TNFSF11: variants seen among roughly 807,000 people sequenced by gnomAD.
The protein encoded by TNFSF11 is tumor necrosis factor ligand superfamily member 11.
Under a neutral mutation model 32.2 loss-of-function variants are expected in TNFSF11, and 12 were observed. That is an observed-to-expected ratio of 0.37 (90% CI 0.24 to 0.60). TNFSF11 has a LOEUF of 0.60. Ranked by LOEUF, TNFSF11 falls within the 20% of genes least tolerant of loss-of-function variation. The probability of loss-of-function intolerance (pLI) is 0.66; values close to 1 mark genes in which losing one functional copy is unlikely to be tolerated. For missense variants in TNFSF11, 345 were observed against 398.0 expected, an observed-to-expected ratio of 0.87 and a Z score of 1.13; for synonymous variants, 172 against 152.1, an observed-to-expected ratio of 1.13 and a Z score of -0.96.
chr13:42,592,624 C>A (rs1193539127), intron 2 of TNFSF11, among the ~76,000 whole-genome samples: 1 of 152,118 alleles, frequency 6.6e-6, no homozygotes, highest in African/African-American at 2.4e-5. Context: ...AATCATTGGC[C>A]ATTGGTGGTT....
intron 2 of TNFSF11, among the ~76,000 whole-genome samples, chr13:42,592,961 G>T (rs1403112655): frequency 3.3e-5 from 5 of 152,174 alleles, no homozygotes; most frequent in South Asian, 2.1e-4. Context: ...ATGCGGAACC[G>T]TAAGCCAATT....
intron 4 of TNFSF11, among the ~76,000 whole-genome samples, chr13:42,603,771 A>G (rs1869302524): frequency 6.6e-6 from 1 of 152,200 alleles, no homozygotes; most frequent in Non-Finnish European, 1.5e-5. Flanking sequence ...CATATTTTAT[A>G]TGCTCATTTT....
upstream of TNFSF11, among the ~76,000 whole-genome samples, chr13:42,570,391 T>G (rs1332803136): frequency 6.6e-6 from 1 of 152,166 alleles, no homozygotes; most frequent in East Asian, 1.9e-4. Context: ...AACCAATCAA[T>G]TTTCACATGA....
At chr13:42,572,592 G>A (rs1317844303), upstream of TNFSF11, among the ~76,000 whole-genome samples, 14 of 152,112 alleles carry the variant, frequency 9.2e-5, 1 homozygote, top group Middle Eastern at 6.3e-3. Flanking sequence ...TAGAATTAAC[G>A]TCAATTGTTT....
chr13:42,574,519 G>T lies in TNFSF11; in HGVS notation c.216G>T (p.Ala72=), dbSNP rs770044058. 9.3e-6 allele frequency: 15 copies of T among 1,607,064 alleles called. No homozygotes were observed. Among genetic ancestry groups the T allele is most frequent in the East Asian group, 2.2e-5 (1 of 44,872 alleles). Residue 72 remains alanine (A), a synonymous_variant, in exon 1 of 5, where the codon GCG becomes GCT. Transcript: ENST00000398795. The part of the protein sequence containing the change: ...CSVALFFYFR[A]QMDPNRISED... ...TCGCCCTGTTCTTCTATTTCAGAGCGCAGGTGAGTGGCCACCTTCCCAGGG... is the reference window on the plus strand; with the variant it reads ...TCGCCCTGTTCTTCTATTTCAGAGCTCAGGTGAGTGGCCACCTTCCCAGGG...
Position 42,591,022 on chromosome 13 carries a change from G to T in TNFSF11, c.387+9729G>T, listed in dbSNP as rs74058710. ...TGGAAGAAATGATCCACCAGTGACTGTATTTGGGGTTTGGGGAGGAGGCCA... is the reference window on the plus strand; with the variant it reads ...TGGAAGAAATGATCCACCAGTGACTTTATTTGGGGTTTGGGGAGGAGGCCA... On this transcript the variant is annotated intron_variant, in intron 2 of 4. Coordinates refer to ENST00000398795, the MANE Select transcript of TNFSF11 (RefSeq NM_003701.4). 5.5e-3 allele frequency among the ~76,000 whole-genome samples: 837 copies of T among 152,274 alleles called. 7 individuals are homozygous for T. The highest frequency in any genetic ancestry group is 0.019 in the African/African-American group (801 of 41,556).
chr13:42,569,601 T>A (rs1488792496), upstream of TNFSF11, among the ~76,000 whole-genome samples: 1 of 150,102 alleles, frequency 6.7e-6, no homozygotes, highest in East Asian at 1.9e-4. Context: ...AGAGAGAGAT[T>A]AGAGTTAGAG....
At chr13:42,602,364 T>C (rs1869220676) in intron 4 of TNFSF11, among the ~76,000 whole-genome samples, 1 of 152,236 alleles carries the variant, frequency 6.6e-6, no homozygotes, top group African/African-American at 2.4e-5. Context: ...TAAATAATTA[T>C]ACATATTCCA....
At chr13:42,574,028 G>A (rs1448722459), upstream of TNFSF11, 3 of 523,782 alleles carry the variant, frequency 5.7e-6, no homozygotes, top group East Asian at 7.0e-5. Context: ...GAGAGAGGGA[G>A]GGCGAAAGGA....
chr13:42,594,217 TAC>T (rs1160210715), intron 2 of TNFSF11, among the ~76,000 whole-genome samples: 1 of 152,118 alleles, frequency 6.6e-6, no homozygotes, highest in African/African-American at 2.4e-5. Context: ...TACCTGGGAT[TAC>T]TGGCAACTGC....
chr13:42,570,120 G>C (rs1182790540), upstream of TNFSF11, among the ~76,000 whole-genome samples: 1 of 152,076 alleles, frequency 6.6e-6, no homozygotes, highest in East Asian at 1.9e-4. Context: ...AATGTAAAAG[G>C]TTTGAAAATT....
chr13:42,573,361 G>C (rs1873139790), upstream of TNFSF11, among the ~76,000 whole-genome samples: 1 of 152,156 alleles, frequency 6.6e-6, no homozygotes, highest in Non-Finnish European at 1.5e-5. Flanking sequence ...TTCTCACTAA[G>C]AGCCACAGTT....
chr13:42,583,280 A>G (rs1194589399), intron 2 of TNFSF11, among the ~76,000 whole-genome samples: 1 of 151,536 alleles, frequency 6.6e-6, no homozygotes, highest in African/African-American at 2.4e-5. Flanking sequence ...GGGCATGGCA[A>G]CCTGTGCTGT....
chr13:42,588,183 T>C (rs1443951610), intron 2 of TNFSF11, among the ~76,000 whole-genome samples: 2 of 152,196 alleles, frequency 1.3e-5, no homozygotes, highest in Non-Finnish European at 2.9e-5. Flanking sequence ...AAGCTGTCTT[T>C]ATGGGAAAGC....
At chr13:42,568,480 A>G (rs1872945937) in intron 2 of TNFSF11, among the ~76,000 whole-genome samples, 1 of 152,254 alleles carries the variant, frequency 6.6e-6, no homozygotes, top group Non-Finnish European at 1.5e-5. Context: ...TCAATTGTCC[A>G]TTGACACAGT....
At position 42,607,773 on chromosome 13, in the gene TNFSF11, G is replaced by T. The variant is rs1345990196; in HGVS notation, c.*855G>T. ...TTTAGAAAGCTGACATTGCCAAAAA[G>T]GATACATAATGGGCCACTGAAATCT... On this transcript the variant is annotated 3_prime_UTR_variant, in exon 5 of 5. Coordinates refer to ENST00000398795, the MANE Select transcript of TNFSF11 (RefSeq NM_003701.4). 6.6e-6 allele frequency: 1 copy of T among 152,590 alleles called. No individual in the cohort carries two copies. Among genetic ancestry groups the T allele is most frequent in the Non-Finnish European group, 1.5e-5 (1 of 68,014 alleles). 9.5% of individuals were successfully genotyped at this position (152,590 alleles called of 1,614,324 possible).
chr13:42,581,745 T>G (rs1183987827), intron 2 of TNFSF11, among the ~76,000 whole-genome samples: 2 of 152,118 alleles, frequency 1.3e-5, no homozygotes, highest in East Asian at 3.8e-4. Flanking sequence ...TGAGAAGCAG[T>G]TGTAACTCTT....
At chr13:42,601,086 C>A in intron 4 of TNFSF11, 105 bp downstream of exon 4, 3 of 1,286,506 alleles carry the variant, frequency 2.3e-6, no homozygotes, top group South Asian at 1.2e-5. Flanking sequence ...TTTTGAGAGC[C>A]CTTACTTCAA....
At chr13:42,578,514 C>T (rs75819192) in intron 1 of TNFSF11, among the ~76,000 whole-genome samples, 1,557 of 152,314 alleles carry the variant, frequency 0.01, 10 homozygotes, top group South Asian at 0.036. Flanking sequence ...ATGTGTGATC[C>T]TTGAGTAAAC....
Sources: allele counts gnomAD v4.1 joint callset (sites outside exome capture counted in the v4.1 genomes callset), GRCh38; gene constraint gnomAD v4.1.1; transcripts MANE v1.5; gene names NCBI Gene and HGNC (gene_info 2026-07-23, HGNC 2026-07-21).